ZMAT5: variants seen among roughly 807,000 people sequenced by gnomAD.
ZMAT5 encodes zinc finger matrin-type protein 5.
ZMAT5 carries 23 observed loss-of-function variants against 28.0 expected under a neutral mutation model. The observed-to-expected ratio is 0.82, with a 90% CI of 0.59 to 1.16. The LOEUF is 1.16. Among genes scored for constraint, ZMAT5 ranks in the 50% most tolerant of loss-of-function variants. The pLI is 0.00. For missense variants in ZMAT5, 173 were observed against 212.7 expected, an observed-to-expected ratio of 0.81 and a Z score of 1.16; for synonymous variants, 76 against 84.1, an observed-to-expected ratio of 0.90 and a Z score of 0.52.
At chr22:29,742,546 A>C in intron 2 of ZMAT5, 66 bp from the exon 3 acceptor site, 1 of 1,501,774 alleles carries the variant, frequency 6.7e-7, no homozygotes, top group Non-Finnish European at 9.2e-7. Flanking sequence ...AGGAAGTGGA[A>C]GCCACAGGGG....
chr22:29,740,142 A>G (rs2067947944), intron 4 of ZMAT5, among the ~76,000 whole-genome samples: 1 of 152,188 alleles, frequency 6.6e-6, no homozygotes, highest in Admixed American at 6.5e-5. Flanking sequence ...TTGTTCTCTA[A>G]CTAGAGGAGT....
In ZMAT5 at chr22:29,757,242, GA is replaced by G. The variant is rs35439925; in HGVS notation, c.-27-8672del. Among the ~76,000 whole-genome samples the G allele has an allele frequency of 2.7e-3, 298 of 111,660 alleles. 1 individual carries two copies. Among genetic ancestry groups the G allele is most frequent in the East Asian group, 0.01 (39 of 3,716 alleles). The allele number at this position is 111,660 out of a possible 152,430, so 73.3% of individuals were successfully genotyped here. A position where few individuals can be genotyped will look rare whatever the true frequency, so the allele number is the denominator to read the frequency against. ...AAAAAAAAAAAAAAAGGACTTCACA[GA>G]AAAAAAAAAAAAAACAGAAAGAAAT... On this transcript the variant is annotated intron_variant, in intron 1 of 5. Transcript: ENST00000344318.
At chr22:29,754,613 G>A (rs185868832) in intron 1 of ZMAT5, among the ~76,000 whole-genome samples, 94 of 152,342 alleles carry the variant, frequency 6.2e-4, no homozygotes, top group African/African-American at 2.1e-3. Context: ...GCTCAGGCCT[G>A]TAATCCCAAC....
At chr22:29,760,968 AT>A (rs1161968011) in intron 1 of ZMAT5, among the ~76,000 whole-genome samples, 8 of 152,170 alleles carry the variant, frequency 5.3e-5, no homozygotes, top group African/African-American at 1.9e-4. Flanking sequence ...TAATCTGTAT[AT>A]TTTGGAATTA....
At chr22:29,734,881 G>A (rs1217788072) in intron 5 of ZMAT5, among the ~76,000 whole-genome samples, 1 of 152,202 alleles carries the variant, frequency 6.6e-6, no homozygotes, top group Non-Finnish European at 1.5e-5. Flanking sequence ...AGAGGTGGAG[G>A]ATGTGGGGAA....
chr22:29,760,416 C>T (rs1332096518), intron 1 of ZMAT5, among the ~76,000 whole-genome samples: 2 of 150,912 alleles, frequency 1.3e-5, no homozygotes, highest in Non-Finnish European at 3.0e-5. Context: ...TGGTGGTGCA[C>T]ACCTGTAATC....
intron 1 of ZMAT5, among the ~76,000 whole-genome samples, chr22:29,766,632 G>A (rs1188808091): frequency 6.6e-6 from 1 of 152,236 alleles, no homozygotes; most frequent in Non-Finnish European, 1.5e-5. Flanking sequence ...CCGGTGCGAA[G>A]CCCAGGGGTG....
chr22:29,742,189 G>C (rs946754073), intron 3 of ZMAT5, among the ~76,000 whole-genome samples: 1 of 152,194 alleles, frequency 6.6e-6, no homozygotes, highest in Admixed American at 6.5e-5. Flanking sequence ...GCTTGTTCTA[G>C]GTGAGCTGAT....
chr22:29,763,494 CAGG>C (rs1417514922), intron 1 of ZMAT5, among the ~76,000 whole-genome samples: 1 of 150,898 alleles, frequency 6.6e-6, no homozygotes, highest in Non-Finnish European at 1.5e-5. Context: ...CCCAGCTACT[CAGG>C]AGGCTGAGGC....
intron 1 of ZMAT5, 43 bp from the exon 2 acceptor site, chr22:29,748,614 C>T: frequency 1.2e-6 from 2 of 1,603,210 alleles, no homozygotes; most frequent in Non-Finnish European, 1.7e-6. Context: ...TTGGAGAAAA[C>T]ACATCCCTCA....
At chr22:29,743,697 G>T (rs1052983073) in intron 2 of ZMAT5, among the ~76,000 whole-genome samples, 3 of 152,212 alleles carry the variant, frequency 2.0e-5, no homozygotes, top group African/African-American at 7.2e-5. Context: ...CTCCCAAAGT[G>T]CTGGGATTAC....
At chr22:29,765,171 C>T (rs2068194974) in intron 1 of ZMAT5, among the ~76,000 whole-genome samples, 1 of 152,074 alleles carries the variant, frequency 6.6e-6, no homozygotes, top group South Asian at 2.1e-4. Context: ...GTAATCCCGG[C>T]ACTTTGGGAG....
At chr22:29,747,974 T>C in intron 2 of ZMAT5, 3 of 230,134 alleles carry the variant, frequency 1.3e-5, no homozygotes, top group South Asian at 5.7e-5. Flanking sequence ...CTCCGCCCCC[T>C]GCTTATGATG....
At chr22:29,736,469 C>T (rs1286204072) in intron 5 of ZMAT5, among the ~76,000 whole-genome samples, 3 of 152,150 alleles carry the variant, frequency 2.0e-5, no homozygotes, top group Non-Finnish European at 4.4e-5. Context: ...CCTGTAATCC[C>T]AGCACTCTGG....
intron 4 of ZMAT5, among the ~76,000 whole-genome samples, chr22:29,739,612 T>C (rs1367346658): frequency 6.6e-6 from 1 of 152,186 alleles, no homozygotes; most frequent in Non-Finnish European, 1.5e-5. Flanking sequence ...CCTGGGCCTC[T>C]CCCCATTCCT....
intron 4 of ZMAT5, among the ~76,000 whole-genome samples, chr22:29,739,905 G>A (rs930513650): frequency 2.0e-5 from 3 of 152,230 alleles, no homozygotes; most frequent in Non-Finnish European, 2.9e-5. Flanking sequence ...GGCCCGTAGG[G>A]GGATCAGGGC....
intron 4 of ZMAT5, among the ~76,000 whole-genome samples, chr22:29,738,969 C>T (rs1263883707): frequency 6.6e-6 from 1 of 151,802 alleles, no homozygotes; most frequent in East Asian, 1.9e-4. Flanking sequence ...TAAGATCGCA[C>T]CACTGCACTC....
chr22:29,738,347 G>A lies in ZMAT5; in HGVS notation c.366C>T (p.Ser122=), dbSNP rs1389203962. 1.2e-6 allele frequency: 2 copies of A among 1,609,466 alleles called. No homozygotes were observed. The highest frequency in any genetic ancestry group is 8.5e-7 in the Non-Finnish European group (1 of 1,179,746). The change falls in exon 5 of 6, where the codon AGC becomes AGT. Residue 122 remains serine (S), a synonymous_variant. Coordinates refer to ENST00000344318, the MANE Select transcript of ZMAT5 (RefSeq NM_001003692.2). The part of the protein sequence containing the change: ...DWLEKRAKRL[S]SAPSSRAEPI... ...ACCTGTACCTGCTACTTGGGGCTGAGCTCAGCCGCTTGGCTCTCTTCTCCA... is the reference window on the plus strand; with the variant it reads ...ACCTGTACCTGCTACTTGGGGCTGAACTCAGCCGCTTGGCTCTCTTCTCCA...
At chr22:29,761,088 C>T (rs933484516) in intron 1 of ZMAT5, among the ~76,000 whole-genome samples, 2 of 147,502 alleles carry the variant, frequency 1.4e-5, no homozygotes, top group African/African-American at 2.5e-5. Context: ...TCCTGGCCAA[C>T]GTGGTGAAAC....
Sources: allele counts gnomAD v4.1 joint callset (sites outside exome capture counted in the v4.1 genomes callset), GRCh38; gene constraint gnomAD v4.1.1; transcripts MANE v1.5; gene names NCBI Gene and HGNC (gene_info 2026-07-23, HGNC 2026-07-21).